Variants in SPIDR observed in about 807,000 individuals in gnomAD.
The protein encoded by SPIDR is DNA repair-scaffolding protein.
Under a neutral mutation model 104.6 loss-of-function variants are expected in SPIDR, and 93 were observed. The observed-to-expected ratio is 0.89, with a 90% CI of 0.75 to 1.06. The LOEUF (loss-of-function observed/expected upper bound fraction) is 1.06. Ranked by LOEUF, SPIDR falls within the 50% of genes least tolerant of loss-of-function variation. The pLI is 0.00. For missense variants in SPIDR, 1,154 were observed against 1,111.2 expected (o/e 1.04, Z -0.55); for synonymous variants, 431 against 416.9 (o/e 1.03, Z -0.41).
intron 14 of SPIDR, among the ~76,000 whole-genome samples, chr8:47,708,176 G>A (rs149539548): frequency 4.6e-5 from 7 of 152,324 alleles, no homozygotes; most frequent in African/African-American, 1.7e-4. Context: ...GCAGGTGCCT[G>A]TAATCCCAGC....
At chr8:47,491,850 TAAAAAAA>T (rs1159695494) in intron 8 of SPIDR, among the ~76,000 whole-genome samples, 1 of 151,836 alleles carries the variant, frequency 6.6e-6, no homozygotes, top group Non-Finnish European at 1.5e-5. Flanking sequence ...CCCTGTCTCT[TAAAAAAA>T]AGAAAAAGAA....
chr8:47,570,868 G>A (rs374391076), intron 8 of SPIDR, among the ~76,000 whole-genome samples: 25 of 152,228 alleles, frequency 1.6e-4, no homozygotes, highest in African/African-American at 5.1e-4. Context: ...CTAGGTGGGC[G>A]GATCACAAGG....
intron 5 of SPIDR, among the ~76,000 whole-genome samples, chr8:47,333,602 A>G (rs2049158830): frequency 6.6e-6 from 1 of 152,260 alleles, no homozygotes; most frequent in South Asian, 2.1e-4. Context: ...ACACCTGGCC[A>G]TGGAATATAC....
At chr8:47,459,633 C>T (rs1430361215) in intron 8 of SPIDR, among the ~76,000 whole-genome samples, 17 of 151,774 alleles carry the variant, frequency 1.1e-4, no homozygotes, top group Admixed American at 9.9e-4. Context: ...TCATTTAGTT[C>T]TGTTTTGATC....
intron 8 of SPIDR, among the ~76,000 whole-genome samples, chr8:47,487,279 G>A (rs1187960264): frequency 6.6e-6 from 1 of 152,194 alleles, no homozygotes; most frequent in East Asian, 1.9e-4. Context: ...TAATGGTGAA[G>A]GGATCAATTC....
intron 6 of SPIDR, among the ~76,000 whole-genome samples, chr8:47,401,203 A>G (rs2061840428): frequency 6.6e-6 from 1 of 152,214 alleles, no homozygotes; most frequent in Admixed American, 6.5e-5. Context: ...AAAGAAAAGA[A>G]TTTTCAACCC....
intron 8 of SPIDR, among the ~76,000 whole-genome samples, chr8:47,513,605 G>A (rs978441871): frequency 6.6e-6 from 1 of 152,164 alleles, no homozygotes; most frequent in African/African-American, 2.4e-5. Flanking sequence ...TCATGTTGCT[G>A]GTGAGGAATT....
At chr8:47,691,769 G>A (rs1231032108) in intron 11 of SPIDR, among the ~76,000 whole-genome samples, 1 of 152,200 alleles carries the variant, frequency 6.6e-6, no homozygotes, top group Admixed American at 6.5e-5. Flanking sequence ...CCGCTCCTGT[G>A]GCTTAGCAGG....
chr8:47,352,169 C>T (rs781912042), intron 5 of SPIDR, among the ~76,000 whole-genome samples: 2 of 151,254 alleles, frequency 1.3e-5, no homozygotes, highest in African/African-American at 4.9e-5. Flanking sequence ...CCCAGCTACT[C>T]GGGAGGCTGA....
At chr8:47,513,715 AAAAT>A (rs944499904) in intron 8 of SPIDR, among the ~76,000 whole-genome samples, 1 of 152,202 alleles carries the variant, frequency 6.6e-6, no homozygotes, top group African/African-American at 2.4e-5. Flanking sequence ...TGAGGCAAGC[AAAAT>A]ATGTGGCTGT....
intron 8 of SPIDR, among the ~76,000 whole-genome samples, 193 bp downstream of exon 8, chr8:47,440,735 A>G (rs2069257121): frequency 6.6e-6 from 1 of 152,236 alleles, no homozygotes; most frequent in South Asian, 2.1e-4. Flanking sequence ...TTCTGTCAGC[A>G]TATTTCTGAT....
At chr8:47,512,108 C>T (rs573247244) in intron 8 of SPIDR, 14 of 514,260 alleles carry the variant, frequency 2.7e-5, no homozygotes, top group Non-Finnish European at 3.9e-5. Context: ...ATCACCACCA[C>T]GAACTCTCTC....
intron 8 of SPIDR, among the ~76,000 whole-genome samples, chr8:47,471,024 A>G (rs1273774925): frequency 2.6e-5 from 4 of 152,160 alleles, no homozygotes; most frequent in Non-Finnish European, 2.9e-5. Flanking sequence ...TTGAGCCACC[A>G]TGCCCGGCCG....
intron 16 of SPIDR, among the ~76,000 whole-genome samples, chr8:47,725,615 C>T (rs2154493067): frequency 6.6e-6 from 1 of 152,308 alleles, no homozygotes; most frequent in Admixed American, 6.5e-5. Context: ...TGGTCTCGAT[C>T]TCTTGACCTC....
chr8:47,342,726 G>T (rs542361929), intron 5 of SPIDR, among the ~76,000 whole-genome samples: 1 of 152,034 alleles, frequency 6.6e-6, no homozygotes, highest in Non-Finnish European at 1.5e-5. Context: ...ATCGACGCTG[G>T]TGTTTAAATA....
intron 5 of SPIDR, among the ~76,000 whole-genome samples, chr8:47,322,274 G>A (rs1037029339): frequency 6.6e-6 from 1 of 152,124 alleles, no homozygotes; most frequent in East Asian, 1.9e-4. Context: ...GAAAGTGGTC[G>A]AAGGATATGA....
At chr8:47,334,579 T>C (rs1421877589) in intron 5 of SPIDR, among the ~76,000 whole-genome samples, 1 of 152,226 alleles carries the variant, frequency 6.6e-6, no homozygotes, top group Non-Finnish European at 1.5e-5. Flanking sequence ...AGGCTACTCC[T>C]GCTTTTCTTT....
intron 8 of SPIDR, among the ~76,000 whole-genome samples, chr8:47,466,918 TAG>T (rs1564054500): frequency 0.048 from 5,947 of 123,528 alleles, 308 homozygotes; most frequent in South Asian, 0.15. Context: ...TATATATAGA[TAG>T]ATAGATAGAT....
intron 8 of SPIDR, among the ~76,000 whole-genome samples, chr8:47,513,830 A>G (rs114398623): frequency 0.011 from 1,749 of 152,296 alleles, 38 homozygotes; most frequent in African/African-American, 0.039. Context: ...TACAAGTTCT[A>G]GGGTTAGAGG....
Sources: allele counts gnomAD v4.1 joint callset (sites outside exome capture counted in the v4.1 genomes callset), GRCh38; gene constraint gnomAD v4.1.1; transcripts MANE v1.5; gene names NCBI Gene and HGNC (gene_info 2026-07-23, HGNC 2026-07-21).